The following SPIDR variants were observed in gnomAD, a reference collection of about 807,000 sequenced individuals.
The protein encoded by SPIDR is scaffold protein involved in DNA repair, also known as DNA repair-scaffolding protein.
In SPIDR, 93 loss-of-function variants were observed where a neutral mutation model predicts 104.6. That is an observed-to-expected ratio of 0.89 (90% confidence interval 0.75 to 1.06). The LOEUF is 1.06. SPIDR is among the 50% of genes least tolerant of loss of function. SPIDR has a pLI of 0.00. For missense variants in SPIDR, 1,154 were observed against 1,111.2 expected (o/e 1.04, Z -0.55); for synonymous variants, 431 against 416.9 (o/e 1.03, Z -0.41).
At chr8:47,299,504 A>T (rs1187503407) in intron 5 of SPIDR, among the ~76,000 whole-genome samples, 1 of 152,166 alleles carries the variant, frequency 6.6e-6, no homozygotes, top group Non-Finnish European at 1.5e-5. Flanking sequence ...AGGAGTGGTG[A>T]GAGAGGGCAT....
At chr8:47,267,344 G>A (rs2034311148) in intron 1 of SPIDR, among the ~76,000 whole-genome samples, 2 of 152,074 alleles carry the variant, frequency 1.3e-5, no homozygotes, top group Non-Finnish European at 1.5e-5. Context: ...ATTTGTATAT[G>A]CATTTTTATG....
chr8:47,498,695 C>G (rs898756641), intron 8 of SPIDR, among the ~76,000 whole-genome samples: 1 of 152,156 alleles, frequency 6.6e-6, no homozygotes, highest in African/African-American at 2.4e-5. Context: ...CAGGTCAAGA[C>G]TTGTACATTT....
chr8:47,558,316 CTAAAA>C (rs746014658), intron 8 of SPIDR, among the ~76,000 whole-genome samples: 1 of 152,026 alleles, frequency 6.6e-6, no homozygotes, highest in East Asian at 1.9e-4. Context: ...AATAAAGAAT[CTAAAA>C]TAAAATAAAA....
chr8:47,357,259 C>T (rs1002462964), intron 5 of SPIDR, among the ~76,000 whole-genome samples: 3 of 152,182 alleles, frequency 2.0e-5, no homozygotes, highest in Non-Finnish European at 2.9e-5. Context: ...ATCCAAATTT[C>T]TGGACCTTGG....
intron 8 of SPIDR, chr8:47,528,073 A>G (rs1267840585): frequency 6.6e-6 from 1 of 152,208 alleles, no homozygotes; most frequent in African/African-American, 2.4e-5. Context: ...CAGCAACAAC[A>G]TGATAATAAC....
chr8:47,589,797 T>A (rs773950897), intron 8 of SPIDR, among the ~76,000 whole-genome samples: 1 of 152,218 alleles, frequency 6.6e-6, no homozygotes, highest in Non-Finnish European at 1.5e-5. Context: ...AGTCAATTCA[T>A]TGATCTTTTC....
intron 11 of SPIDR, among the ~76,000 whole-genome samples, chr8:47,689,546 T>C (rs1347463794): frequency 1.3e-5 from 2 of 152,198 alleles, no homozygotes; most frequent in Non-Finnish European, 2.9e-5. Context: ...AACTGGAAAG[T>C]AGGAAAGTGG....
chr8:47,320,651 G>T (rs1305733595), intron 5 of SPIDR, among the ~76,000 whole-genome samples: 3 of 152,112 alleles, frequency 2.0e-5, no homozygotes, highest in Non-Finnish European at 4.4e-5. Flanking sequence ...CAAAAAAAGA[G>T]AATTTTAGAC....
chr8:47,287,634 A>G (rs964373007), intron 3 of SPIDR, among the ~76,000 whole-genome samples: 1 of 152,258 alleles, frequency 6.6e-6, no homozygotes, highest in South Asian at 2.1e-4. Flanking sequence ...CCCTACTTGC[A>G]TGTCCGTTTA....
At chr8:47,360,790 A>G (rs1021963201) in intron 5 of SPIDR, 2 of 983,374 alleles carry the variant, frequency 2.0e-6, no homozygotes, top group Non-Finnish European at 2.4e-6. Context: ...TGGGGCAAAA[A>G]TTTGTCTACT....
In SPIDR at chr8:47,735,088, GT is replaced by G. The variant is rs1311673663; in HGVS notation, c.2605-218del. Among the ~76,000 whole-genome samples, 16 of 146,496 alleles carry G rather than the reference GT, an allele frequency of 1.1e-4. No homozygotes were observed. In the East Asian group the frequency reaches 3.1e-3, roughly 28 times the overall value. ...TTCCTTCACTTGCTAAAATAAATGG[GT>G]GTGTGGGTGTGTGTGTGTGTGGGTG... On this transcript the variant is annotated intron_variant, in intron 19 of 19. Transcript: ENST00000297423.
chr8:47,326,686 T>G (rs2047716246), intron 5 of SPIDR, among the ~76,000 whole-genome samples: 2 of 152,252 alleles, frequency 1.3e-5, no homozygotes, highest in South Asian at 4.1e-4. Context: ...GTTCTGTTAT[T>G]TCACATAAAT....
intron 1 of SPIDR, among the ~76,000 whole-genome samples, chr8:47,267,586 T>A (rs2034360529): frequency 1.3e-5 from 2 of 152,226 alleles, no homozygotes; most frequent in African/African-American, 4.8e-5. Context: ...TGTGATTTGG[T>A]TTGCAGTTCC....
At chr8:47,620,459 G>T (rs904625760) in intron 10 of SPIDR, among the ~76,000 whole-genome samples, 1 of 151,822 alleles carries the variant, frequency 6.6e-6, no homozygotes, top group Non-Finnish European at 1.5e-5. Context: ...GTAGAGACGG[G>T]TTTTCGCCAT....
rs59590542 is a variant in SPIDR, at chr8:47,365,976, GCACA to G, written c.526-30381_526-30378del. On this transcript the variant is annotated intron_variant, in intron 5 of 19. Coordinates refer to ENST00000297423, the MANE Select transcript of SPIDR (RefSeq NM_001080394.4). ...TGTATGTTTACACATACATGCACAA[GCACA>G]CACACACACACACACACAAACACAC... Among the ~76,000 whole-genome samples, 33 of 148,768 alleles carry G rather than the reference GCACA, an allele frequency of 2.2e-4. No homozygotes were observed. The South Asian group carries it at 2.6e-3, about 12-fold the overall frequency.
intron 10 of SPIDR, chr8:47,659,691 G>A: frequency 1.0e-6 from 1 of 983,726 alleles, no homozygotes; most frequent in South Asian, 4.7e-5. Flanking sequence ...TTGCGCTCAG[G>A]TTCCAGCCCT....
At chr8:47,550,245 G>A (rs1281909186) in intron 8 of SPIDR, among the ~76,000 whole-genome samples, 1 of 152,136 alleles carries the variant, frequency 6.6e-6, no homozygotes, top group Non-Finnish European at 1.5e-5. Flanking sequence ...TCTTTGCTAT[G>A]CAGGCTCCTT....
At chr8:47,392,113 G>A (rs1554652560) in intron 5 of SPIDR, among the ~76,000 whole-genome samples, 1 of 151,558 alleles carries the variant, frequency 6.6e-6, no homozygotes, top group Admixed American at 6.6e-5. Context: ...AAACTATATG[G>A]GCTAAAAAGC....
At chr8:47,415,627 G>A (rs1248797008) in intron 7 of SPIDR, among the ~76,000 whole-genome samples, 2 of 152,200 alleles carry the variant, frequency 1.3e-5, no homozygotes, top group Non-Finnish European at 2.9e-5. Context: ...CTTCCACTGT[G>A]TGAGGAGGAT....
Sources: allele counts gnomAD v4.1 joint callset (sites outside exome capture counted in the v4.1 genomes callset), GRCh38; gene constraint gnomAD v4.1.1; transcripts MANE v1.5; gene names NCBI Gene and HGNC (gene_info 2026-07-23, HGNC 2026-07-21).